The following PTPRM variants were observed in gnomAD, a reference collection of about 807,000 sequenced individuals.
PTPRM encodes protein tyrosine phosphatase receptor type M.
Under a neutral mutation model 186.7 loss-of-function variants are expected in PTPRM, and 47 were observed. The ratio of observed to expected loss-of-function variants is 0.25; its 90% CI spans 0.20 to 0.32. PTPRM has a LOEUF of 0.32. Ranked by LOEUF, PTPRM falls within the 10% of genes least tolerant of loss-of-function variation. The pLI, the probability that PTPRM is intolerant of heterozygous loss-of-function variation, is 1.00. For synonymous variants in PTPRM, 668 were observed against 674.9 expected (o/e 0.99, Z 0.16); for missense variants, 1,494 against 1,865.0 (o/e 0.80, Z 3.66).
At chr18:8,276,736 CA>C (rs1197500302) in intron 19 of PTPRM, among the ~76,000 whole-genome samples, 6 of 152,022 alleles carry the variant, frequency 3.9e-5, no homozygotes, top group African/African-American at 1.4e-4. Flanking sequence ...CGTTCTACAA[CA>C]AAAAAATACA....
At chr18:8,327,395 G>A (rs1428368181) in intron 22 of PTPRM, among the ~76,000 whole-genome samples, 6 of 152,232 alleles carry the variant, frequency 3.9e-5, no homozygotes, top group Admixed American at 3.9e-4. Context: ...GTGTGAAGAG[G>A]AAGATGCCTT....
chr18:7,966,816 G>C (rs1409164589), intron 7 of PTPRM, among the ~76,000 whole-genome samples: 3 of 131,430 alleles, frequency 2.3e-5, no homozygotes, highest in Non-Finnish European at 3.6e-5. Flanking sequence ...CGCCCACGGA[G>C]TCTCGCTGAT....
Position 8,070,002 on chromosome 18 carries a change from C to T in PTPRM, c.1441+8C>T. On this transcript the variant is annotated splice_region_variant and intron_variant, in intron 8 of 32. Coordinates refer to ENST00000580170, the MANE Select transcript of PTPRM (RefSeq NM_001105244.2). The stretch of plus-strand genomic sequence containing the variant: ...TGCAGACAGATGAAGACCGTGAGTA[C>T]CTTTGAATGATATGTTTGTGTAAAA... 1 of 1,600,088 alleles carries T rather than the reference C, an allele frequency of 6.2e-7. No homozygotes were observed.
chr18:8,380,495 G>T (rs1004483701), intron 29 of PTPRM, 68 bp downstream of exon 29: 12 of 1,582,802 alleles, frequency 7.6e-6, no homozygotes, highest in Admixed American at 1.7e-5. Context: ...CACTGAGTTT[G>T]TTTGCACCCG....
At chr18:7,912,243 A>G (rs999098377) in intron 4 of PTPRM, among the ~76,000 whole-genome samples, 1 of 152,156 alleles carries the variant, frequency 6.6e-6, no homozygotes, top group East Asian at 1.9e-4. Flanking sequence ...ATTCTTTTGC[A>G]TATGGATATG....
At chr18:8,070,092 C>G in intron 8 of PTPRM, 98 bp downstream of exon 8, 1 of 1,137,394 alleles carries the variant, frequency 8.8e-7, no homozygotes, top group Non-Finnish European at 1.2e-6. Context: ...GAAAGAACTA[C>G]TTATTTTGTT....
At chr18:8,100,924 A>C (rs1364764450) in intron 11 of PTPRM, among the ~76,000 whole-genome samples, 1 of 152,140 alleles carries the variant, frequency 6.6e-6, no homozygotes, top group Non-Finnish European at 1.5e-5. Flanking sequence ...TGTGGTTATC[A>C]CCTATATAGG....
chr18:8,316,070 TCTC>T (rs1452310695), intron 21 of PTPRM, among the ~76,000 whole-genome samples: 1 of 152,194 alleles, frequency 6.6e-6, no homozygotes, highest in African/African-American at 2.4e-5. Flanking sequence ...AGACCAGTTA[TCTC>T]CTCCTCACAG....
intron 4 of PTPRM, among the ~76,000 whole-genome samples, chr18:7,916,971 A>G (rs183924513): frequency 8.9e-4 from 136 of 152,242 alleles, no homozygotes; most frequent in Middle Eastern, 3.4e-3. Flanking sequence ...CCTATCCCTT[A>G]GTAACCACTC....
chr18:8,172,697 G>GA (rs5822993), intron 14 of PTPRM, among the ~76,000 whole-genome samples: 45 of 132,812 alleles, frequency 3.4e-4, no homozygotes, highest in South Asian at 8.0e-4. Flanking sequence ...GTAAACACAA[G>GA]AAAAAAAAAA....
intron 14 of PTPRM, among the ~76,000 whole-genome samples, chr18:8,222,195 T>G (rs1266490357): frequency 6.6e-6 from 1 of 151,654 alleles, no homozygotes; most frequent in African/African-American, 2.4e-5. Flanking sequence ...AATATGGAGG[T>G]TTTTTCAGGC....
chr18:8,379,134 C>T, intron 27 of PTPRM, 33 bp from the exon 28 acceptor site: 1 of 1,541,254 alleles, frequency 6.5e-7, no homozygotes, highest in Non-Finnish European at 8.8e-7. Context: ...GCCAAGGCTT[C>T]TTGTCCTCAT....
chr18:8,126,015 A>ATTTTT (rs1568383678), intron 13 of PTPRM, among the ~76,000 whole-genome samples: 3 of 24,118 alleles, frequency 1.2e-4, no homozygotes, highest in Non-Finnish European at 2.7e-4. Flanking sequence ...ATATATATAT[A>ATTTTT]TATATATATA....
At chr18:8,289,863 C>T (rs544354465) in intron 19 of PTPRM, among the ~76,000 whole-genome samples, 4 of 152,194 alleles carry the variant, frequency 2.6e-5, no homozygotes, top group East Asian at 3.9e-4. Flanking sequence ...ATTTAGATTT[C>T]GGTTTGTTTA....
chr18:7,899,076 A>G (rs946392565), intron 3 of PTPRM, among the ~76,000 whole-genome samples: 1 of 152,126 alleles, frequency 6.6e-6, no homozygotes, highest in Non-Finnish European at 1.5e-5. Context: ...TAACATGTGT[A>G]TTTTTTCCTT....
intron 7 of PTPRM, among the ~76,000 whole-genome samples, chr18:7,960,154 G>C (rs1469838898): frequency 1.3e-5 from 2 of 152,056 alleles, no homozygotes; most frequent in African/African-American, 4.8e-5. Context: ...CTGTGGTTAA[G>C]TGACTTGCCA....
chr18:8,192,281 A>G (rs144195349), intron 14 of PTPRM, among the ~76,000 whole-genome samples: 1 of 152,348 alleles, frequency 6.6e-6, no homozygotes, highest in East Asian at 1.9e-4. Context: ...ATGAAACTTC[A>G]GTAGCAGTGA....
Position 7,772,450 on chromosome 18 carries a change from CTTCCTTCCTTCCTT to C in PTPRM, c.74-1698_74-1685del, listed in dbSNP as rs756066326. ...TCCCTTCCCCTTCCCCTTCCCCTTC[CTTCCTTCCTTCCTT>C]CCTTCCTTCCTTCCTTCCTTCCTTC... On this transcript the variant is annotated intron_variant, in intron 1 of 32. Coordinates refer to ENST00000580170, the MANE Select transcript of PTPRM (RefSeq NM_001105244.2). Among the ~76,000 whole-genome samples, 12 of 27,020 alleles carry C rather than the reference CTTCCTTCCTTCCTT, an allele frequency of 4.4e-4. No homozygotes were observed. The East Asian group carries it at 0.12, about 281-fold the overall frequency. The allele number at this position is 27,020 out of a possible 152,430, so 17.7% of individuals were successfully genotyped here.
At chr18:7,919,294 A>G (rs1473216363) in intron 4 of PTPRM, among the ~76,000 whole-genome samples, 1 of 152,160 alleles carries the variant, frequency 6.6e-6, no homozygotes, top group Non-Finnish European at 1.5e-5. Context: ...TTCTGGTTCC[A>G]TATAAATTTT....
Sources: allele counts gnomAD v4.1 joint callset (sites outside exome capture counted in the v4.1 genomes callset), GRCh38; gene constraint gnomAD v4.1.1; transcripts MANE v1.5; gene names NCBI Gene and HGNC (gene_info 2026-07-23, HGNC 2026-07-21).